Variants in KREMEN1 observed in about 807,000 individuals in gnomAD.
KREMEN1 encodes the protein kringle containing transmembrane protein 1, also known as kremen protein 1.
KREMEN1 carries 30 observed loss-of-function variants against 46.5 expected under a neutral mutation model. That is an observed-to-expected ratio of 0.65 (90% CI 0.48 to 0.88). KREMEN1 has a LOEUF of 0.88. KREMEN1 is among the 40% of genes least tolerant of loss of function. The probability of loss-of-function intolerance (pLI) is 0.00; values close to 1 mark genes in which losing one functional copy is unlikely to be tolerated. For missense variants in KREMEN1, 533 were observed against 596.9 expected, an observed-to-expected ratio of 0.89 and a Z score of 1.11; for synonymous variants, 214 against 230.6, an observed-to-expected ratio of 0.93 and a Z score of 0.65.
rs140011029 is a variant in KREMEN1 at position 29,136,031 on chromosome 22, C to T, written c.632-1311C>T. On this transcript the variant is annotated intron_variant, in intron 5 of 8. Transcript: ENST00000400335. Reference sequence around the variant, plus strand: ...CCAGCTCCCGGGTTCAAGAAATTCTCCCGTCTCAGCCTCCCTAGTAGCTGG... The same window carrying T: ...CCAGCTCCCGGGTTCAAGAAATTCTTCCGTCTCAGCCTCCCTAGTAGCTGG... Among the ~76,000 whole-genome samples the T allele has an allele frequency of 8.9e-4, 136 of 152,158 alleles. 1 individual carries two copies. The highest frequency in any genetic ancestry group is 6.8e-3 in the Middle Eastern group (2 of 294).
At chr22:29,100,606 T>A (rs1235410859) in intron 3 of KREMEN1, among the ~76,000 whole-genome samples, 1 of 152,238 alleles carries the variant, frequency 6.6e-6, no homozygotes, top group Non-Finnish European at 1.5e-5. Context: ...ATAATGATAG[T>A]AAACAACTAT....
chr22:29,083,086 T>A (rs1036792211), intron 1 of KREMEN1, among the ~76,000 whole-genome samples: 1 of 152,294 alleles, frequency 6.6e-6, no homozygotes, highest in Non-Finnish European at 1.5e-5. Context: ...TAAAAAATAT[T>A]TTTTGTAGAG....
intron 7 of KREMEN1, among the ~76,000 whole-genome samples, chr22:29,140,047 C>T (rs2038736444): frequency 6.6e-6 from 1 of 152,198 alleles, no homozygotes; most frequent in Admixed American, 6.5e-5. Flanking sequence ...TTTGGATCAT[C>T]CTGTCTGCCT....
At chr22:29,102,250 G>T (rs1418622464) in intron 3 of KREMEN1, among the ~76,000 whole-genome samples, 1 of 152,166 alleles carries the variant, frequency 6.6e-6, no homozygotes, top group African/African-American at 2.4e-5. Flanking sequence ...CCCCTGACCA[G>T]TGCTGCAGAC....
At position 29,145,038 on chromosome 22, in the gene KREMEN1, T is replaced by C. The variant is rs2038834254; in HGVS notation, c.*2926T>C. The stretch of plus-strand genomic sequence containing the variant: ...GTACGGGCAGGAGGGCTGTAAATCA[T>C]CCCAGGCTAAGCCTCCGTGGGCACT... On this transcript the variant is annotated 3_prime_UTR_variant, in exon 9 of 9. Coordinates refer to ENST00000400335, the MANE Select transcript of KREMEN1 (RefSeq NM_001039570.3). The C allele has an allele frequency of 1.0e-6, 1 of 985,438 alleles. No individual in the cohort carries two copies. Among genetic ancestry groups the C allele is most frequent in the Non-Finnish European group, 1.2e-6 (1 of 829,978 alleles). 61.0% of individuals were successfully genotyped at this position (985,438 alleles called of 1,614,324 possible). A position where few individuals can be genotyped will look rare whatever the true frequency, so the allele number is the denominator to read the frequency against.
chr22:29,125,019 G>A (rs936374877), intron 4 of KREMEN1, among the ~76,000 whole-genome samples: 2 of 152,124 alleles, frequency 1.3e-5, no homozygotes, highest in African/African-American at 4.8e-5. Flanking sequence ...ACTTACTGAA[G>A]TGCAGTAGAA....
chr22:29,088,039 A>G (rs2145750763), intron 1 of KREMEN1, among the ~76,000 whole-genome samples: 1 of 152,310 alleles, frequency 6.6e-6, no homozygotes, highest in African/African-American at 2.4e-5. Flanking sequence ...GCATAAATAA[A>G]TGAAGATGTG....
At chr22:29,101,793 A>T (rs2037980379) in intron 3 of KREMEN1, among the ~76,000 whole-genome samples, 1 of 152,220 alleles carries the variant, frequency 6.6e-6, no homozygotes, top group African/African-American at 2.4e-5. Flanking sequence ...AGACTATCAC[A>T]TCTCAGTTTG....
chr22:29,094,134 C>T, intron 1 of KREMEN1, 124 bp from the exon 2 acceptor site: 1 of 748,582 alleles, frequency 1.3e-6, no homozygotes. Flanking sequence ...GCACTGTGTC[C>T]AGGATCTAGC....
At chr22:29,137,715 C>G in intron 6 of KREMEN1, 41 bp downstream of exon 6, 1 of 1,483,296 alleles carries the variant, frequency 6.7e-7, no homozygotes, top group Non-Finnish European at 9.2e-7. Context: ...TCAGGGCCCA[C>G]GTGCCTTGGG....
At chr22:29,115,438 A>AT in intron 3 of KREMEN1, among the ~76,000 whole-genome samples, 1 of 98,752 alleles carries the variant, frequency 1.0e-5, no homozygotes, top group African/African-American at 5.3e-5. Context: ...ATGGAAATAA[A>AT]AAAAAAAAAA....
At chr22:29,102,992 G>A (rs2037998971) in intron 3 of KREMEN1, among the ~76,000 whole-genome samples, 1 of 152,154 alleles carries the variant, frequency 6.6e-6, no homozygotes, top group Non-Finnish European at 1.5e-5. Context: ...GCAGCATATT[G>A]TACTTCTAGT....
At chr22:29,075,113 G>A (rs376347239) in intron 1 of KREMEN1, among the ~76,000 whole-genome samples, 8 of 152,276 alleles carry the variant, frequency 5.3e-5, no homozygotes, top group African/African-American at 1.9e-4. Flanking sequence ...AGTGATCACC[G>A]TCTTTTATGG....
chr22:29,102,085 A>G (rs752162370), intron 3 of KREMEN1, among the ~76,000 whole-genome samples: 1 of 152,180 alleles, frequency 6.6e-6, no homozygotes, highest in Non-Finnish European at 1.5e-5. Flanking sequence ...GTAACATCCT[A>G]TCTGGGTTAT....
At chr22:29,139,706 G>A (rs573277118) in intron 7 of KREMEN1, among the ~76,000 whole-genome samples, 4 of 152,232 alleles carry the variant, frequency 2.6e-5, no homozygotes, top group African/African-American at 4.8e-5. Context: ...CCAGGAGCTT[G>A]AGGATGCAGT....
chr22:29,092,416 T>C (rs895155117), intron 1 of KREMEN1, among the ~76,000 whole-genome samples: 7 of 152,156 alleles, frequency 4.6e-5, no homozygotes, highest in Non-Finnish European at 2.9e-5. Context: ...GTTTGGCACA[T>C]GGTAAAACAC....
intron 3 of KREMEN1, among the ~76,000 whole-genome samples, chr22:29,115,802 T>C (rs1003828007): frequency 7.9e-5 from 12 of 152,154 alleles, no homozygotes; most frequent in Admixed American, 7.2e-4. Context: ...AAGGGAATAA[T>C]ATTCTAAGCA....
intron 4 of KREMEN1, among the ~76,000 whole-genome samples, chr22:29,121,726 T>A (rs1462527961): frequency 6.6e-6 from 1 of 152,252 alleles, no homozygotes; most frequent in Non-Finnish European, 1.5e-5. Flanking sequence ...CAGAATTTCT[T>A]TTCTGGGTTA....
chr22:29,159,129 T>TA (rs2038988235), intron 9 of KREMEN1, among the ~76,000 whole-genome samples: 2 of 22,590 alleles, frequency 8.9e-5, no homozygotes, highest in Non-Finnish European at 3.8e-4. Context: ...CAAGTGTTTT[T>TA]TTTTTTTTTT....
Sources: gnomAD v4.1 joint callset for allele counts (sites outside exome capture counted in the v4.1 genomes callset) on GRCh38, gnomAD v4.1.1 for gene constraint, MANE v1.5 for transcripts, NCBI Gene and HGNC (gene_info 2026-07-23, HGNC 2026-07-21) for gene names.